CNTN3: variants seen among roughly 807,000 people sequenced by gnomAD.
The protein encoded by CNTN3 is contactin-3.
CNTN3 carries 60 observed loss-of-function variants against 119.1 expected under a neutral mutation model. That is an observed-to-expected ratio of 0.50 (90% CI 0.41 to 0.62). CNTN3 has a LOEUF of 0.62. Among genes scored for constraint, CNTN3 ranks in the 20% least tolerant of loss-of-function variants. CNTN3 has a pLI of 0.00. For missense variants in CNTN3, 1,101 were observed against 1,242.4 expected (o/e 0.89, Z 1.71); for synonymous variants, 450 against 438.7 (o/e 1.03, Z -0.32).
intron 13 of CNTN3, among the ~76,000 whole-genome samples, chr3:74,317,896 T>C (rs934167074): frequency 3.3e-5 from 5 of 152,238 alleles, no homozygotes; most frequent in African/African-American, 1.2e-4. Context: ...CCTTGCTAGA[T>C]TGGGGAAGTT....
rs117574479 is a variant in CNTN3 at position 74,539,346 on chromosome 3, A to G, written c.-80-18154T>C. Among the ~76,000 whole-genome samples, 126 of 152,228 alleles carry G rather than the reference A, an allele frequency of 8.3e-4. 1 individual carries two copies. In the East Asian group the frequency reaches 0.022, roughly 27 times the overall value. ...TGGTAATTCATGTCATTTACTGACT[A>G]TCTTGTGCCCATTGATGAGGGTGTT... On this transcript the variant is annotated intron_variant, in intron 1 of 22. Transcript: ENST00000263665.
chr3:74,334,784 G>A lies in CNTN3; in HGVS notation c.1619C>T (p.Ala540Val), dbSNP rs1380793686. ...TCCATCTTTCTTAAAATCTGCAAGG[G>A]CCCCATTGAAATACCAGGTAAAGAT... ...DIIFTWYFNG[A>V]LADFKKDGSH... The change falls in exon 13 of 23, where the codon GCC (alanine) becomes GTC (valine). Residue 540 changes from alanine (A) to valine (V), a missense_variant. By Grantham distance (64) the Ala-to-Val change is moderately conservative. Transcript: ENST00000263665. 4 of 1,613,402 alleles carry A rather than the reference G, an allele frequency of 2.5e-6. No homozygotes were observed. Among genetic ancestry groups the A allele is most frequent in the Non-Finnish European group, 3.4e-6 (4 of 1,179,674 alleles).
At chr3:74,274,847 A>C (rs1318811646) in intron 20 of CNTN3, among the ~76,000 whole-genome samples, 2 of 152,226 alleles carry the variant, frequency 1.3e-5, no homozygotes, top group African/African-American at 4.8e-5. Context: ...GTTAGTTATT[A>C]AGCTAATCAA....
chr3:74,333,384 CA>C (rs1703313428), intron 13 of CNTN3, among the ~76,000 whole-genome samples: 1 of 152,222 alleles, frequency 6.6e-6, no homozygotes, highest in Non-Finnish European at 1.5e-5. Context: ...AGGCTCCCTG[CA>C]AAATCTCTAA....
At chr3:74,516,404 T>C (rs533541899) in intron 2 of CNTN3, among the ~76,000 whole-genome samples, 1 of 150,780 alleles carries the variant, frequency 6.6e-6, no homozygotes, top group South Asian at 2.1e-4. Flanking sequence ...TTTAGGATGA[T>C]CCACTTCCAC....
At chr3:74,462,458 C>T (rs1406366508) in intron 4 of CNTN3, among the ~76,000 whole-genome samples, 1 of 152,046 alleles carries the variant, frequency 6.6e-6, no homozygotes, top group Admixed American at 6.6e-5. Context: ...AAATGGGCTA[C>T]TGCCTAGAAT....
intron 5 of CNTN3, among the ~76,000 whole-genome samples, chr3:74,416,761 T>G (rs1336056400): frequency 6.6e-6 from 1 of 151,872 alleles, no homozygotes; most frequent in Non-Finnish European, 1.5e-5. Flanking sequence ...GCCGAAGCGG[T>G]TGGATCACTT....
chr3:74,557,065 T>A (rs543953110), intron 1 of CNTN3, among the ~76,000 whole-genome samples: 1 of 152,294 alleles, frequency 6.6e-6, no homozygotes, highest in East Asian at 1.9e-4. Flanking sequence ...TTATAAATAT[T>A]TCATCCCATT....
intron 1 of CNTN3, among the ~76,000 whole-genome samples, chr3:74,538,992 A>G (rs1311880209): frequency 6.6e-6 from 1 of 152,176 alleles, no homozygotes; most frequent in Non-Finnish European, 1.5e-5. Context: ...CACATTAAAA[A>G]AAAATACTTC....
At position 74,536,710 on chromosome 3, in the gene CNTN3, G is replaced by A. The variant is rs1365227036; in HGVS notation, c.-80-15518C>T. Among the ~76,000 whole-genome samples, 4 of 152,188 alleles carry A rather than the reference G, an allele frequency of 2.6e-5. No homozygotes were observed. The South Asian group carries it at 8.3e-4, about 32-fold the overall frequency. ...CCCTCCGATAAGGTACTACCATGTG[G>A]ACATTTGGAGACATTTTATTTTGTA... On this transcript the variant is annotated intron_variant, in intron 1 of 22. Coordinates refer to ENST00000263665, the MANE Select transcript of CNTN3 (RefSeq NM_020872.3).
In CNTN3 at chr3:74,269,271, T is replaced by C. The variant is rs557864461; in HGVS notation, c.2705-1893A>G. On this transcript the variant is annotated intron_variant, in intron 20 of 22. Transcript: ENST00000263665. ...TTAGCTTGATGTGCTAGTTACATTT[T>C]TGGGCACTCTCTAAAATAAATGAAT... Among the ~76,000 whole-genome samples the C allele has an allele frequency of 4.6e-5, 7 of 152,196 alleles. No homozygotes were observed. In the East Asian group the frequency reaches 1.4e-3, roughly 29 times the overall value.
intron 1 of CNTN3, among the ~76,000 whole-genome samples, chr3:74,569,062 A>G (rs1704270401): frequency 1.3e-5 from 2 of 152,200 alleles, no homozygotes; most frequent in African/African-American, 4.8e-5. Context: ...GCCCGGAGCC[A>G]TATGGTACCT....
At position 74,334,834 on chromosome 3, in the gene CNTN3, T is replaced by C. The variant is rs929216935; in HGVS notation, c.1569A>G (p.Val523=). The C allele has an allele frequency of 6.2e-7, 1 of 1,613,382 alleles. No individual in the cohort carries two copies. Among genetic ancestry groups the C allele is most frequent in the African/African-American group, 1.3e-5 (1 of 74,870 alleles). ...TGATGTCTAACAGCGGGTCATGTTGTACCTGGCAGGGCAATATGACGCTTT... is the reference window on the plus strand; with the variant it reads ...TGATGTCTAACAGCGGGTCATGTTGCACCTGGCAGGGCAATATGACGCTTT... ...VGESVILPCQ[V]QHDPLLDIIF... The change falls in exon 13 of 23, where the codon GTA becomes GTG. Residue 523 remains valine (V), a synonymous_variant. Transcript: ENST00000263665.
chr3:74,435,682 T>C (rs1701854395), intron 4 of CNTN3, among the ~76,000 whole-genome samples: 1 of 152,240 alleles, frequency 6.6e-6, no homozygotes, highest in Non-Finnish European at 1.5e-5. Flanking sequence ...ATTTAACACA[T>C]TTATTTTTCA....
chr3:74,416,727 C>T (rs1457269750), intron 5 of CNTN3, among the ~76,000 whole-genome samples: 3 of 152,154 alleles, frequency 2.0e-5, no homozygotes, highest in African/African-American at 7.2e-5. Context: ...GTGGCTCACA[C>T]CTGTAATCCC....
intron 11 of CNTN3, among the ~76,000 whole-genome samples, chr3:74,342,817 T>C (rs1299724168): frequency 6.6e-6 from 1 of 152,208 alleles, no homozygotes; most frequent in Non-Finnish European, 1.5e-5. Context: ...TAAATGATTA[T>C]ATACAACTAT....
intron 1 of CNTN3, among the ~76,000 whole-genome samples, chr3:74,549,544 T>C (rs1377227227): frequency 2.0e-5 from 3 of 151,330 alleles, no homozygotes; most frequent in African/African-American, 4.9e-5. Flanking sequence ...GTCTGCCTCC[T>C]AGCTGGACTT....
chr3:74,285,331 G>A lies in CNTN3; in HGVS notation c.2678C>T (p.Thr893Ile), dbSNP rs1702089718. Residue 893 changes from threonine (T) to isoleucine (I), a missense_variant, in exon 20 of 23, where the codon ACA (threonine) becomes ATA (isoleucine). Thr to Ile is a moderately conservative substitution (Grantham distance 89). Coordinates refer to ENST00000263665, the MANE Select transcript of CNTN3 (RefSeq NM_020872.3). ...CGTTTTCTTGGTGGTTACATTAACT[G>A]TGGCGCTAAAAGGCCCAGCGCCGGC... Reference protein sequence around the residue: ...NSAGAGPFSATVNVTTKKTPP... With the variant: ...NSAGAGPFSAIVNVTTKKTPP... 1 of 1,609,118 alleles carries A rather than the reference G, an allele frequency of 6.2e-7. No homozygotes were observed. Among genetic ancestry groups the A allele is most frequent in the Non-Finnish European group, 8.5e-7 (1 of 1,178,456 alleles).
rs200983216 is a variant in CNTN3 at position 74,295,137 on chromosome 3, T to G, written c.2501A>C (p.His834Pro). 1.9e-6 allele frequency: 3 copies of G among 1,607,434 alleles called. No homozygotes were observed. Among genetic ancestry groups the G allele is most frequent in the East Asian group, 2.2e-5 (1 of 44,834 alleles). The change falls in exon 19 of 23, where the codon CAT becomes CCT. Residue 834 changes from histidine to proline, a missense_variant. Physicochemically the swap from His to Pro is moderately conservative, Grantham distance 77 (BLOSUM62 -2). Coordinates refer to ENST00000263665, the MANE Select transcript of CNTN3 (RefSeq NM_020872.3). ...NTIPWKLSNGHLLGYEVRYWN... is the reference protein window; with the variant it reads ...NTIPWKLSNGPLLGYEVRYWN... ...AGAAATTACCTCATAGCCCAGTAAATGTCCATTGCTCAACTTCCAAGGAAT... is the reference window on the plus strand; with the variant it reads ...AGAAATTACCTCATAGCCCAGTAAAGGTCCATTGCTCAACTTCCAAGGAAT...
Sources: gnomAD v4.1 joint callset for allele counts (sites outside exome capture counted in the v4.1 genomes callset) on GRCh38, gnomAD v4.1.1 for gene constraint, MANE v1.5 for transcripts, NCBI Gene and HGNC (gene_info 2026-07-23, HGNC 2026-07-21) for gene names.